Variants in ADAMTSL1 observed in about 807,000 individuals in gnomAD.
ADAMTSL1 encodes the protein ADAMTS like 1, also known as ADAMTS-like protein 1.
Under a neutral mutation model 201.8 loss-of-function variants are expected in ADAMTSL1, and 126 were observed. The observed-to-expected ratio is 0.62, with a 90% confidence interval of 0.54 to 0.72. The LOEUF (loss-of-function observed/expected upper bound fraction) is 0.72. Among genes scored for constraint, ADAMTSL1 ranks in the 30% least tolerant of loss-of-function variants. The pLI is 0.00. For missense variants in ADAMTSL1, 2,679 were observed against 2,277.8 expected (o/e 1.18, Z -3.59); for synonymous variants, 1,121 against 903.4 (o/e 1.24, Z -4.32).
intron 2 of ADAMTSL1, among the ~76,000 whole-genome samples, chr9:18,277,295 G>C (rs1400000906): frequency 6.6e-6 from 1 of 152,228 alleles, no homozygotes; most frequent in South Asian, 2.1e-4. Context: ...CAGTTTCCTT[G>C]TTGATTTTCT....
intron 1 of ADAMTSL1, among the ~76,000 whole-genome samples, chr9:18,008,539 A>G (rs912925889): frequency 6.6e-5 from 10 of 151,940 alleles, no homozygotes; most frequent in African/African-American, 2.2e-4. Context: ...GGGGTTTAAC[A>G]CAACACAAAT....
intron 2 of ADAMTSL1, among the ~76,000 whole-genome samples, chr9:18,232,249 C>T (rs575501781): frequency 6.6e-6 from 1 of 152,214 alleles, no homozygotes; most frequent in South Asian, 2.1e-4. Flanking sequence ...CTTGCTGTTC[C>T]CTCTACTTGG....
chr9:18,305,307 A>G (rs754925863), intron 2 of ADAMTSL1, among the ~76,000 whole-genome samples: 40 of 152,178 alleles, frequency 2.6e-4, no homozygotes, highest in Non-Finnish European at 4.6e-4. Context: ...AGCTAGCTGC[A>G]GGAGATTTTT....
Position 18,775,908 on chromosome 9 carries a change from A to T in ADAMTSL1, c.2551+12A>T. On this transcript the variant is annotated intron_variant, in intron 18 of 28. Transcript: ENST00000380548. ...GGCAACCTGTGCAAGTAAGTATGTCAGGGCTCTGGGAATGGGGAGATGAAA... is the reference window on the plus strand; with the variant it reads ...GGCAACCTGTGCAAGTAAGTATGTCTGGGCTCTGGGAATGGGGAGATGAAA... 1 of 1,583,052 alleles carries T rather than the reference A, an allele frequency of 6.3e-7. No homozygotes were observed. The highest frequency in any genetic ancestry group is 2.3e-5 in the East Asian group (1 of 43,420).
intron 1 of ADAMTSL1, among the ~76,000 whole-genome samples, chr9:18,025,210 G>T (rs1157530701): frequency 2.0e-5 from 3 of 152,050 alleles, no homozygotes; most frequent in Non-Finnish European, 2.9e-5. Flanking sequence ...TTAGTAGGTT[G>T]TCTGTTTACT....
chr9:18,517,406 CT>C (rs760198835), intron 2 of ADAMTSL1, among the ~76,000 whole-genome samples: 437 of 149,682 alleles, frequency 2.9e-3, no homozygotes, highest in African/African-American at 8.8e-3. Context: ...TCATCTTTTT[CT>C]TTTTTTTTAA....
At chr9:18,449,716 G>A (rs943938874) in intron 2 of ADAMTSL1, among the ~76,000 whole-genome samples, 1 of 152,062 alleles carries the variant, frequency 6.6e-6, no homozygotes, top group Non-Finnish European at 1.5e-5. Flanking sequence ...TTAGACAGAA[G>A]ATCTAAACAG....
intron 2 of ADAMTSL1, among the ~76,000 whole-genome samples, chr9:18,398,280 CATT>C (rs1250400690): frequency 6.6e-6 from 1 of 152,044 alleles, no homozygotes; most frequent in Non-Finnish European, 1.5e-5. Context: ...CCCATTGTGT[CATT>C]ATGATAAAAT....
chr9:18,140,289 C>T (rs1168698612), intron 1 of ADAMTSL1, among the ~76,000 whole-genome samples: 2 of 152,068 alleles, frequency 1.3e-5, no homozygotes, highest in Admixed American at 6.6e-5. Context: ...CCAAGACCAC[C>T]CTCAGTTTCA....
chr9:18,704,789 G>A (rs573609635), intron 13 of ADAMTSL1, among the ~76,000 whole-genome samples: 1 of 152,246 alleles, frequency 6.6e-6, no homozygotes, highest in Admixed American at 6.5e-5. Context: ...AGTTCTCTAG[G>A]TGCAAAAGGT....
At chr9:18,162,240 C>A (rs1462064581) in intron 1 of ADAMTSL1, among the ~76,000 whole-genome samples, 2 of 151,988 alleles carry the variant, frequency 1.3e-5, no homozygotes, top group East Asian at 1.9e-4. Flanking sequence ...CAAATCAAGT[C>A]CTTGTTACAC....
At chr9:18,657,969 C>G (rs34509994) in intron 8 of ADAMTSL1, among the ~76,000 whole-genome samples, 1 of 137,078 alleles carries the variant, frequency 7.3e-6, no homozygotes, top group African/African-American at 2.8e-5. Context: ...TTAGAGGAAA[C>G]AGTCTTTTTT....
intron 1 of ADAMTSL1, among the ~76,000 whole-genome samples, chr9:18,488,616 C>T (rs756687464): frequency 3.3e-5 from 5 of 152,108 alleles, no homozygotes; most frequent in Non-Finnish European, 7.4e-5. Flanking sequence ...ATGGCATGTA[C>T]CTCAAAGGAT....
chr9:18,862,511 A>C (rs200394076), intron 23 of ADAMTSL1, among the ~76,000 whole-genome samples: 3 of 152,200 alleles, frequency 2.0e-5, no homozygotes, highest in Non-Finnish European at 4.4e-5. Flanking sequence ...CACCTTGATT[A>C]TAGAGCGCTT....
At chr9:17,917,735 T>C (rs976425711) in intron 1 of ADAMTSL1, among the ~76,000 whole-genome samples, 8 of 152,002 alleles carry the variant, frequency 5.3e-5, no homozygotes, top group Admixed American at 2.6e-4. Context: ...TTTTCAACTT[T>C]CTGCAATCTC....
intron 1 of ADAMTSL1, among the ~76,000 whole-genome samples, chr9:17,938,926 T>G (rs184236635): frequency 6.6e-6 from 1 of 152,278 alleles, no homozygotes; most frequent in Non-Finnish European, 1.5e-5. Context: ...TGTCTTGTTT[T>G]GACAAGTCAT....
At chr9:17,994,880 A>G (rs1449000198) in intron 1 of ADAMTSL1, among the ~76,000 whole-genome samples, 1 of 152,230 alleles carries the variant, frequency 6.6e-6, no homozygotes, top group Non-Finnish European at 1.5e-5. Context: ...GAGAGATTAC[A>G]CAATTAAAAA....
At chr9:18,491,493 A>T (rs1388994252) in intron 1 of ADAMTSL1, among the ~76,000 whole-genome samples, 3 of 152,228 alleles carry the variant, frequency 2.0e-5, no homozygotes, top group African/African-American at 7.2e-5. Context: ...ATAAACTCTC[A>T]AAGTATTTGC....
chr9:18,269,970 T>G (rs1832293655), intron 2 of ADAMTSL1, among the ~76,000 whole-genome samples: 1 of 152,124 alleles, frequency 6.6e-6, no homozygotes, highest in African/African-American at 2.4e-5. Flanking sequence ...CAGCAATTTT[T>G]GGAAGGTTTA....
Sources: allele counts gnomAD v4.1 joint callset (sites outside exome capture counted in the v4.1 genomes callset), GRCh38; gene constraint gnomAD v4.1.1; transcripts MANE v1.5; gene names NCBI Gene and HGNC (gene_info 2026-07-23, HGNC 2026-07-21).